TMEM272: variants seen among roughly 807,000 people sequenced by gnomAD.
TMEM272 encodes transmembrane protein 272, also known as long intergenic non-protein coding RNA 282.
In TMEM272, 8 loss-of-function variants were observed where a neutral mutation model predicts 3.7. The ratio of observed to expected loss-of-function variants is 2.17; its 90% CI spans 1.27 to 3.91. The LOEUF (loss-of-function observed/expected upper bound fraction) is 3.91. Ranked by LOEUF, TMEM272 falls within the 30% of genes most tolerant of loss-of-function variation. The pLI is 0.00. For synonymous variants in TMEM272, 63 were observed against 39.8 expected, an observed-to-expected ratio of 1.58 and a Z score of -2.20; for missense variants, 166 against 91.5, an observed-to-expected ratio of 1.81 and a Z score of -3.32.
intron 1 of TMEM272, among the ~76,000 whole-genome samples, chr13:51,842,324 A>G (rs930961532): frequency 6.6e-6 from 1 of 152,252 alleles, no homozygotes; most frequent in African/African-American, 2.4e-5. Context: ...CTTCTTTTTA[A>G]AACCTCTTAA....
the TMEM272 span, among the ~76,000 whole-genome samples, chr13:51,902,210 A>G: frequency 5.9e-5 from 9 of 152,334 alleles, no homozygotes; most frequent in African/African-American, 1.9e-4. Context: ...AGCAAAATGA[A>G]AAAAAGCACT....
At chr13:51,873,747 G>A in the TMEM272 span, among the ~76,000 whole-genome samples, 1 of 152,182 alleles carries the variant, frequency 6.6e-6, no homozygotes, top group Non-Finnish European at 1.5e-5. Flanking sequence ...ACTCTGAAGA[G>A]CCTTTCCTGA....
the TMEM272 span, chr13:51,921,634 C>T: frequency 6.6e-6 from 1 of 152,512 alleles, no homozygotes. Flanking sequence ...ATCCAGGCAA[C>T]ACCTGTCCTT....
At chr13:51,869,896 C>A in the TMEM272 span, among the ~76,000 whole-genome samples, 1 of 152,216 alleles carries the variant, frequency 6.6e-6, no homozygotes, top group Non-Finnish European at 1.5e-5. Context: ...GAATACTTCT[C>A]CTTTTTCTCT....
At chr13:51,870,507 G>C in the TMEM272 span, among the ~76,000 whole-genome samples, 9 of 81,748 alleles carry the variant, frequency 1.1e-4, no homozygotes, top group South Asian at 4.2e-3. Flanking sequence ...CAAAGCAAAT[G>C]CATGCACTGG....
chr13:51,878,485 T>C, the TMEM272 span, among the ~76,000 whole-genome samples: 1 of 152,018 alleles, frequency 6.6e-6, no homozygotes, highest in Non-Finnish European at 1.5e-5. Flanking sequence ...TCACTCACCA[T>C]CACAAGAACA....
chr13:51,916,970 G>A, the TMEM272 span, among the ~76,000 whole-genome samples: 29 of 152,116 alleles, frequency 1.9e-4, no homozygotes, highest in Admixed American at 3.9e-4. Context: ...GGTCTGTCTC[G>A]CTCACCAGTG....
the TMEM272 span, among the ~76,000 whole-genome samples, chr13:51,925,229 A>T: frequency 6.6e-6 from 1 of 152,214 alleles, no homozygotes; most frequent in African/African-American, 2.4e-5. Context: ...GTCCCATTTC[A>T]TACCAAGCTA....
the TMEM272 span, among the ~76,000 whole-genome samples, chr13:51,851,570 G>A: frequency 7.4e-6 from 1 of 135,166 alleles, no homozygotes. Context: ...TGTTACCCAG[G>A]CTAGAGTGCA....
the TMEM272 span, among the ~76,000 whole-genome samples, chr13:51,903,944 T>TGTGTGTGTGTGTGTGTGTGTGC: frequency 6.7e-6 from 1 of 149,316 alleles, no homozygotes; most frequent in Non-Finnish European, 1.5e-5. Context: ...GTCTTCCACG[T>TGTGTGTGTGTGTGTGTGTGTGC]GTGTGTGTGT....
the TMEM272 span, among the ~76,000 whole-genome samples, chr13:51,902,162 G>A: frequency 6.6e-6 from 1 of 152,172 alleles, no homozygotes; most frequent in South Asian, 2.1e-4. Context: ...ATAAATATAG[G>A]TGGATTCTCA....
the TMEM272 span, among the ~76,000 whole-genome samples, chr13:51,889,482 G>A: frequency 2.6e-5 from 4 of 152,182 alleles, no homozygotes; most frequent in African/African-American, 9.7e-5. Context: ...AAGACATGAT[G>A]AGAAAGTGGC....
chr13:51,899,225 A>G, the TMEM272 span, among the ~76,000 whole-genome samples: 3 of 152,188 alleles, frequency 2.0e-5, no homozygotes, highest in African/African-American at 7.2e-5. Flanking sequence ...GCGATGAATA[A>G]TCTGAAGATG....
At chr13:51,934,238 AC>A in the TMEM272 span, 1 of 231,670 alleles carries the variant, frequency 4.3e-6, no homozygotes, top group Non-Finnish European at 8.7e-6. Context: ...AAAGGAACAG[AC>A]TATGTACGAA....
the TMEM272 span, among the ~76,000 whole-genome samples, chr13:51,873,169 G>C: frequency 3.3e-5 from 5 of 152,246 alleles, no homozygotes; most frequent in Non-Finnish European, 7.3e-5. Context: ...AACATTGCTG[G>C]AGGAGAGTTT....
the TMEM272 span, among the ~76,000 whole-genome samples, chr13:51,924,442 G>A: frequency 1.3e-5 from 2 of 152,228 alleles, no homozygotes; most frequent in South Asian, 4.2e-4. Context: ...TCCCAGGAGA[G>A]GGGGTGCTGG....
the TMEM272 span, among the ~76,000 whole-genome samples, chr13:51,898,278 C>T: frequency 2.0e-5 from 3 of 151,604 alleles, no homozygotes; most frequent in Non-Finnish European, 2.9e-5. Context: ...AAGTGCAGTG[C>T]CCCTGCTCAT....
the TMEM272 span, among the ~76,000 whole-genome samples, chr13:51,880,275 CA>C: frequency 3.1e-5 from 4 of 129,326 alleles, no homozygotes; most frequent in Middle Eastern, 4.2e-3. Context: ...TTCCTTTCAC[CA>C]AAAAAAAAAA....
the TMEM272 span, among the ~76,000 whole-genome samples, chr13:51,884,048 A>G: frequency 6.6e-6 from 1 of 152,214 alleles, no homozygotes; most frequent in African/African-American, 2.4e-5. Flanking sequence ...TAGGTTTTCA[A>G]TTACCATCAA....
Sources: allele counts gnomAD v4.1 joint callset (sites outside exome capture counted in the v4.1 genomes callset), GRCh38; gene constraint gnomAD v4.1.1; transcripts MANE v1.5; gene names NCBI Gene and HGNC (gene_info 2026-07-23, HGNC 2026-07-21).